Variants in PTPRD observed in about 807,000 individuals in gnomAD.
PTPRD encodes the protein receptor-type tyrosine-protein phosphatase delta.
Under a neutral mutation model 214.5 loss-of-function variants are expected in PTPRD, and 34 were observed. The ratio of observed to expected loss-of-function variants is 0.16; its 90% CI spans 0.12 to 0.21. PTPRD has a LOEUF of 0.21. Ranked by LOEUF, PTPRD falls within the 10% of genes least tolerant of loss-of-function variation. PTPRD has a pLI of 1.00. For missense variants in PTPRD, 2,545 were observed against 2,398.7 expected, an observed-to-expected ratio of 1.06 and a Z score of -1.27; for synonymous variants, 1,128 against 845.7, an observed-to-expected ratio of 1.33 and a Z score of -5.79.
chr9:10,426,572 T>C (rs1260716876), intron 2 of PTPRD, among the ~76,000 whole-genome samples: 1 of 152,060 alleles, frequency 6.6e-6, no homozygotes, highest in East Asian at 1.9e-4. Flanking sequence ...CAGAGCTCCA[T>C]TCTTAAGGAA....
intron 9 of PTPRD, among the ~76,000 whole-genome samples, chr9:9,255,485 A>T (rs1370864736): frequency 6.6e-6 from 1 of 152,078 alleles, no homozygotes; most frequent in Non-Finnish European, 1.5e-5. Flanking sequence ...CTCTAAAACC[A>T]TTCCACTAAT....
At chr9:10,360,969 C>A (rs368931130) in intron 2 of PTPRD, among the ~76,000 whole-genome samples, 1 of 151,756 alleles carries the variant, frequency 6.6e-6, no homozygotes, top group Non-Finnish European at 1.5e-5. Flanking sequence ...GGGCGTGGTG[C>A]CGGGCGCCTG....
intron 9 of PTPRD, among the ~76,000 whole-genome samples, chr9:9,383,974 A>G (rs778414803): frequency 4.6e-5 from 7 of 151,984 alleles, no homozygotes; most frequent in Non-Finnish European, 7.4e-5. Flanking sequence ...ATTGACCAGA[A>G]CTAAACACAA....
At chr9:9,855,733 A>C (rs902062365) in intron 5 of PTPRD, among the ~76,000 whole-genome samples, 3 of 152,134 alleles carry the variant, frequency 2.0e-5, no homozygotes, top group Non-Finnish European at 4.4e-5. Flanking sequence ...CAGGGCGAAC[A>C]CTTTTGGGAG....
intron 2 of PTPRD, among the ~76,000 whole-genome samples, chr9:10,601,563 T>C (rs62535921): frequency 0.25 from 38,490 of 151,678 alleles, 5,594 homozygotes; most frequent in Admixed American, 0.33. Context: ...CATATAATGA[T>C]TATATTAAAT....
chr9:8,337,491 C>A (rs775049958), intron 43 of PTPRD, among the ~76,000 whole-genome samples: 36 of 152,104 alleles, frequency 2.4e-4, no homozygotes, highest in Admixed American at 1.3e-3. Flanking sequence ...AGGAGAAATA[C>A]CTAATGTAGA....
At chr9:10,046,800 C>A (rs1218242822) in intron 3 of PTPRD, among the ~76,000 whole-genome samples, 2 of 151,834 alleles carry the variant, frequency 1.3e-5, no homozygotes, top group Non-Finnish European at 2.9e-5. Context: ...ATAGTGAAGA[C>A]AAGTTAGTTT....
At chr9:8,959,727 T>C (rs1229512825) in intron 11 of PTPRD, among the ~76,000 whole-genome samples, 10 of 152,072 alleles carry the variant, frequency 6.6e-5, no homozygotes, top group Non-Finnish European at 1.0e-4. Context: ...CAGCTATATT[T>C]CTTATCAAAT....
chr9:9,526,900 A>T (rs1005656848), intron 8 of PTPRD, among the ~76,000 whole-genome samples: 8 of 152,282 alleles, frequency 5.3e-5, no homozygotes, highest in Non-Finnish European at 1.2e-4. Context: ...TATTTTTATT[A>T]TAAAATTGCT....
At chr9:9,111,945 G>C (rs188138333) in intron 10 of PTPRD, among the ~76,000 whole-genome samples, 96 of 152,102 alleles carry the variant, frequency 6.3e-4, no homozygotes, top group Admixed American at 1.2e-3. Context: ...CTTTCTCCTA[G>C]GAGAAAAGAA....
intron 3 of PTPRD, among the ~76,000 whole-genome samples, chr9:10,055,419 T>C (rs922958920): frequency 8.5e-5 from 13 of 152,268 alleles, no homozygotes; most frequent in African/African-American, 2.9e-4. Flanking sequence ...TCCTCTCATC[T>C]GTGTTCTAAT....
rs995464632 is a variant in PTPRD, at chr9:10,122,041, C to T, written c.-544-88251G>A. On this transcript the variant is annotated intron_variant, in intron 3 of 45. Transcript: ENST00000381196. ...TTAAGTTCTTGGCCTGGTGCGGTGG[C>T]TCACGCCTGTAATCCCAGCATTGTG... Among the ~76,000 whole-genome samples the T allele has an allele frequency of 8.5e-5, 13 of 152,212 alleles. No homozygotes were observed. In the East Asian group the frequency reaches 2.3e-3, roughly 27 times the overall value.
intron 11 of PTPRD, among the ~76,000 whole-genome samples, chr9:8,876,623 G>A (rs1165975657): frequency 2.0e-5 from 3 of 152,106 alleles, no homozygotes; most frequent in African/African-American, 4.8e-5. Context: ...TCATAGGTTC[G>A]TAAGTCTAAG....
At chr9:9,644,098 T>C (rs1286990507) in intron 7 of PTPRD, among the ~76,000 whole-genome samples, 2 of 152,252 alleles carry the variant, frequency 1.3e-5, no homozygotes, top group African/African-American at 2.4e-5. Context: ...TATTGTATTT[T>C]ATTCAAGACA....
chr9:9,935,614 G>A (rs982438108), intron 5 of PTPRD, among the ~76,000 whole-genome samples: 1 of 150,556 alleles, frequency 6.6e-6, no homozygotes, highest in African/African-American at 2.5e-5. Context: ...ATGCTCATGG[G>A]TAGGAACAAT....
intron 2 of PTPRD, among the ~76,000 whole-genome samples, chr9:10,349,223 T>C (rs1411091356): frequency 8.0e-6 from 1 of 125,634 alleles, no homozygotes; most frequent in African/African-American, 3.0e-5. Context: ...AAAATCATCT[T>C]TGGGGAAAGT....
intron 2 of PTPRD, among the ~76,000 whole-genome samples, chr9:10,466,362 G>A (rs908084578): frequency 2.0e-5 from 3 of 152,070 alleles, no homozygotes; most frequent in African/African-American, 7.2e-5. Context: ...GGTGGCTGAT[G>A]CCTGTAATCT....
chr9:10,151,543 G>A (rs762456857), intron 3 of PTPRD, among the ~76,000 whole-genome samples: 2 of 151,994 alleles, frequency 1.3e-5, no homozygotes, highest in African/African-American at 2.4e-5. Context: ...TTACAGGAGT[G>A]AGCCACCGTG....
Position 9,493,784 on chromosome 9 carries a change from T to A in PTPRD, c.-237+80948A>T, listed in dbSNP as rs1169405888. 5.4e-5 allele frequency among the ~76,000 whole-genome samples: 5 copies of A among 92,694 alleles called. No homozygotes were observed. The Admixed American group carries it at 6.0e-4, about 11-fold the overall frequency. 60.8% of individuals were successfully genotyped at this position (92,694 alleles called of 152,430 possible). A position where few individuals can be genotyped will look rare whatever the true frequency, so the allele number is the denominator to read the frequency against. On this transcript the variant is annotated intron_variant, in intron 8 of 45. Transcript: ENST00000381196. Reference sequence around the variant, plus strand: ...GCCTGGGTGACAGAGCAAGACTCCGTCTCAAAAAAAAAAAAAAAAAAAAAA... The same window carrying A: ...GCCTGGGTGACAGAGCAAGACTCCGACTCAAAAAAAAAAAAAAAAAAAAAA...
Sources: allele counts gnomAD v4.1 joint callset (sites outside exome capture counted in the v4.1 genomes callset), GRCh38; gene constraint gnomAD v4.1.1; transcripts MANE v1.5; gene names NCBI Gene and HGNC (gene_info 2026-07-23, HGNC 2026-07-21).